ACER2: variants seen among roughly 807,000 people sequenced by gnomAD.
The protein encoded by ACER2 is alkCDase 2.
ACER2 carries 26 observed loss-of-function variants against 34.7 expected under a neutral mutation model. The ratio of observed to expected loss-of-function variants is 0.75; its 90% CI spans 0.55 to 1.04. ACER2 has a LOEUF of 1.04. Among genes scored for constraint, ACER2 ranks in the 50% least tolerant of loss-of-function variants. The pLI is 0.00. For synonymous variants in ACER2, 138 were observed against 132.1 expected (o/e 1.04, Z -0.31); for missense variants, 352 against 340.8 (o/e 1.03, Z -0.26).
intron 1 of ACER2, among the ~76,000 whole-genome samples, chr9:19,412,603 T>G (rs149663937): frequency 0.03 from 4,446 of 146,214 alleles, 226 homozygotes; most frequent in African/African-American, 0.11. Flanking sequence ...TGCAGTAAGC[T>G]GAGATCGCGC....
At position 19,450,597 on chromosome 9, in the gene ACER2, C is replaced by T. The variant is rs1350008413; in HGVS notation, c.789C>T (p.Leu263=). 1.9e-6 allele frequency: 3 copies of T among 1,587,212 alleles called. No individual in the cohort carries two copies. In the Admixed American group the frequency reaches 5.0e-5, roughly 27 times the overall value. ...TCATTGGTGTCCCCTATGTGTCCCTCCTGTGTGCCAACAAGAAATCATCAG... is the reference window on the plus strand; with the variant it reads ...TCATTGGTGTCCCCTATGTGTCCCTTCTGTGTGCCAACAAGAAATCATCAG... The part of the protein sequence containing the change: ...WAFIGVPYVS[L]LCANKKSSVK... The change falls in exon 6 of 6, where the codon CTC becomes CTT. Residue 263 remains leucine (L), a synonymous_variant. Coordinates refer to ENST00000340967, the MANE Select transcript of ACER2 (RefSeq NM_001010887.3).
chr9:19,448,100 G>A (rs558444393), intron 5 of ACER2, among the ~76,000 whole-genome samples: 175 of 144,126 alleles, frequency 1.2e-3, no homozygotes, highest in African/African-American at 3.9e-3. Flanking sequence ...TCTGCCTCCC[G>A]GACTGAAAGT....
At position 19,446,426 on chromosome 9, in the gene ACER2, C is replaced by T; in HGVS notation, c.641+8C>T. The T allele has an allele frequency of 6.2e-7, 1 of 1,614,110 alleles. No homozygotes were observed. The highest frequency in any genetic ancestry group is 8.5e-7 in the Non-Finnish European group (1 of 1,180,012). ...CTACCTGCACTGCATGTGGTAAGCC[C>T]CTGCTAATGGGGAGGTGGCCGGGGA... On this transcript the variant is annotated splice_region_variant and intron_variant, in intron 5 of 5. Coordinates refer to ENST00000340967, the MANE Select transcript of ACER2 (RefSeq NM_001010887.3).
chr9:19,425,800 A>T (rs1037444901), intron 3 of ACER2, among the ~76,000 whole-genome samples: 5 of 152,204 alleles, frequency 3.3e-5, no homozygotes, highest in African/African-American at 4.8e-5. Context: ...TCTGTAGGAC[A>T]CTGTTTTGTC....
intron 3 of ACER2, among the ~76,000 whole-genome samples, chr9:19,434,656 G>T (rs1234435697): frequency 1.3e-5 from 2 of 152,240 alleles, no homozygotes; most frequent in African/African-American, 4.8e-5. Flanking sequence ...GCCTGCAATT[G>T]CAGGCACTCC....
intron 3 of ACER2, among the ~76,000 whole-genome samples, chr9:19,434,191 CG>C (rs1830870141): frequency 6.6e-6 from 1 of 150,928 alleles, no homozygotes; most frequent in African/African-American, 2.4e-5. Context: ...CGGGCAGAGA[CG>C]CTCCTCACTT....
chr9:19,443,520 T>A (rs1486220283), intron 4 of ACER2, among the ~76,000 whole-genome samples: 2 of 152,146 alleles, frequency 1.3e-5, no homozygotes, highest in South Asian at 2.1e-4. Flanking sequence ...AATTACCAAA[T>A]TAGGGTCCAT....
chr9:19,449,888 T>C (rs1831500954), intron 5 of ACER2, among the ~76,000 whole-genome samples: 1 of 108,046 alleles, frequency 9.3e-6, no homozygotes, highest in Non-Finnish European at 1.8e-5. Context: ...TGAGACTTCA[T>C]TTAAAAAAAA....
intron 1 of ACER2, among the ~76,000 whole-genome samples, chr9:19,416,728 T>C (rs1194368517): frequency 6.6e-6 from 1 of 151,864 alleles, no homozygotes; most frequent in Non-Finnish European, 1.5e-5. Context: ...AGACAGGGTT[T>C]TGCCATGTTG....
At chr9:19,424,623 G>A (rs1665158642) in intron 2 of ACER2, 77 bp from the exon 3 acceptor site, 1 of 1,584,668 alleles carries the variant, frequency 6.3e-7, no homozygotes, top group Non-Finnish European at 8.6e-7. Flanking sequence ...ATTGGTGAAA[G>A]GACTATCCTT....
chr9:19,437,871 T>C (rs944494603), intron 4 of ACER2, among the ~76,000 whole-genome samples: 2 of 152,250 alleles, frequency 1.3e-5, no homozygotes, highest in African/African-American at 4.8e-5. Context: ...TACATTGTAC[T>C]TAGCGCATTC....
At chr9:19,409,333 T>C in intron 1 of ACER2, 141 bp downstream of exon 1, 1 of 728,760 alleles carries the variant, frequency 1.4e-6, no homozygotes. Flanking sequence ...CCACACCCCC[T>C]CCTCGGCGCG....
rs1205293325 is a variant in ACER2, at chr9:19,435,000, C to T, written c.419C>T (p.Ala140Val). 3.7e-6 allele frequency: 6 copies of T among 1,614,178 alleles called. No homozygotes were observed. The highest frequency in any genetic ancestry group is 5.1e-6 in the Non-Finnish European group (6 of 1,180,030). ...SVLSAVTTCL[A>V]FVKPAINNIS... ...CTGTCTGCGGTTACGACGTGCCTGG[C>T]ATTTGTCAAGCCTGCCATCAACAAC... The change falls in exon 4 of 6, where the codon GCA (alanine) becomes GTA (valine). Residue 140 changes from alanine to valine, a missense_variant. By Grantham distance (64) the Ala-to-Val change is moderately conservative (BLOSUM62 0). Coordinates refer to ENST00000340967, the MANE Select transcript of ACER2 (RefSeq NM_001010887.3).
intron 4 of ACER2, among the ~76,000 whole-genome samples, chr9:19,435,984 G>A (rs1219880940): frequency 1.3e-5 from 2 of 151,378 alleles, no homozygotes; most frequent in Non-Finnish European, 2.9e-5. Context: ...GGGAGGCGGA[G>A]CTTGCAGTGA....
intron 4 of ACER2, among the ~76,000 whole-genome samples, chr9:19,441,802 G>A (rs1346768837): frequency 6.6e-6 from 1 of 152,142 alleles, no homozygotes; most frequent in African/African-American, 2.4e-5. Context: ...AGAAAAGACG[G>A]TTGTTTCCCT....
At chr9:19,415,763 T>C (rs1263669859) in intron 1 of ACER2, among the ~76,000 whole-genome samples, 2 of 152,146 alleles carry the variant, frequency 1.3e-5, no homozygotes, top group Admixed American at 6.5e-5. Flanking sequence ...AAAGATCTTC[T>C]GGGGTAGAAA....
chr9:19,409,192 G>A lies in ACER2; in HGVS notation c.108G>A (p.Thr36=), dbSNP rs777766936. 5 of 1,581,434 alleles carry A rather than the reference G, an allele frequency of 3.2e-6. No homozygotes were observed. The South Asian group carries it at 4.6e-5, about 15-fold the overall frequency. Residue 36 remains threonine (T), a splice_region_variant and synonymous_variant, in exon 1 of 6, where the codon ACG becomes ACA. Transcript: ENST00000340967. ...CTGCTATCGCCGAGTTCTACAACACGGTGCGGGGCGCGGGAGCGGGGAAGG... is the reference window on the plus strand; with the variant it reads ...CTGCTATCGCCGAGTTCTACAACACAGTGCGGGGCGCGGGAGCGGGGAAGG... The part of the protein sequence containing the change: ...IVPAIAEFYN[T]ISNVLFFILP...
At chr9:19,423,199 A>G (rs1215312197) in intron 1 of ACER2, among the ~76,000 whole-genome samples, 1 of 152,196 alleles carries the variant, frequency 6.6e-6, no homozygotes, top group Non-Finnish European at 1.5e-5. Flanking sequence ...CAAGTAAATT[A>G]GAATGATTCA....
intron 2 of ACER2, chr9:19,424,263 C>G: frequency 2.8e-6 from 2 of 702,332 alleles, no homozygotes; most frequent in Non-Finnish European, 3.5e-6. Context: ...CAACTGAACT[C>G]TGGGGAGGCT....
Sources: allele counts gnomAD v4.1 joint callset (sites outside exome capture counted in the v4.1 genomes callset), GRCh38; gene constraint gnomAD v4.1.1; transcripts MANE v1.5; gene names NCBI Gene and HGNC (gene_info 2026-07-23, HGNC 2026-07-21).